The following CSMD1 variants were observed in gnomAD, a reference collection of about 807,000 sequenced individuals.
The protein encoded by CSMD1 is CUB and Sushi multiple domains 1, also known as CUB and sushi domain-containing protein 1.
Under a neutral mutation model 417.5 loss-of-function variants are expected in CSMD1, and 213 were observed. The ratio of observed to expected loss-of-function variants is 0.51; its 90% confidence interval spans 0.46 to 0.57. The LOEUF (loss-of-function observed/expected upper bound fraction) is 0.57. Among genes scored for constraint, CSMD1 ranks in the 20% least tolerant of loss-of-function variants. CSMD1 has a pLI of 0.00. For synonymous variants in CSMD1, 2,862 were observed against 1,736.8 expected (o/e 1.65, Z -16.11); for missense variants, 6,923 against 4,529.7 (o/e 1.53, Z -15.17).
At chr8:3,992,109 G>C (rs557789362) in intron 5 of CSMD1, among the ~76,000 whole-genome samples, 120 of 146,752 alleles carry the variant, frequency 8.2e-4, no homozygotes, top group African/African-American at 2.6e-3. Flanking sequence ...AAGAAAAGGA[G>C]AAATGTGTAT....
chr8:3,752,849 C>T (rs373973858), intron 6 of CSMD1, among the ~76,000 whole-genome samples: 1 of 152,168 alleles, frequency 6.6e-6, no homozygotes, highest in African/African-American at 2.4e-5. Flanking sequence ...TTCCCCGCAA[C>T]TGACCCTTGT....
chr8:3,796,617 T>C (rs925288604), intron 5 of CSMD1, among the ~76,000 whole-genome samples: 5 of 148,286 alleles, frequency 3.4e-5, no homozygotes, highest in Non-Finnish European at 6.0e-5. Context: ...TATAGATGTA[T>C]AGATATATAT....
At chr8:3,638,366 G>C (rs1247861731) in intron 7 of CSMD1, among the ~76,000 whole-genome samples, 1 of 152,036 alleles carries the variant, frequency 6.6e-6, no homozygotes, top group African/African-American at 2.4e-5. Context: ...GTCCCAAGAG[G>C]CTGTAGCCAG....
intron 5 of CSMD1, among the ~76,000 whole-genome samples, chr8:3,873,101 G>A (rs1325512209): frequency 6.6e-6 from 1 of 152,062 alleles, no homozygotes; most frequent in South Asian, 2.1e-4. Flanking sequence ...ATACACTCTT[G>A]GTGGGAGTGT....
chr8:4,782,679 T>G (rs1409914551), intron 1 of CSMD1, among the ~76,000 whole-genome samples: 1 of 152,216 alleles, frequency 6.6e-6, no homozygotes, highest in African/African-American at 2.4e-5. Flanking sequence ...TGACTCATAC[T>G]TCTGCAGATG....
chr8:3,827,349 C>A (rs972477303), intron 5 of CSMD1, among the ~76,000 whole-genome samples: 2 of 152,150 alleles, frequency 1.3e-5, no homozygotes, highest in Non-Finnish European at 2.9e-5. Flanking sequence ...TAACTATAGA[C>A]AACAATTTAA....
intron 49 of CSMD1, among the ~76,000 whole-genome samples, chr8:3,074,851 T>C (rs1293128174): frequency 1.3e-5 from 2 of 152,198 alleles, no homozygotes; most frequent in African/African-American, 2.4e-5. Flanking sequence ...ATTATAGATA[T>C]AATAGATATG....
chr8:4,811,639 G>C (rs747857699), intron 1 of CSMD1, among the ~76,000 whole-genome samples: 2 of 152,014 alleles, frequency 1.3e-5, no homozygotes, highest in Non-Finnish European at 2.9e-5. Flanking sequence ...TGATGGGGCT[G>C]TCATAACTGG....
Position 3,163,787 on chromosome 8 carries a change from G to C in CSMD1, c.5726-1510C>G, listed in dbSNP as rs189172893. ...TCAAGGGAAACCCTGGGTCATCCCT[G>C]CATGGCTGTCACTGTGCCAGACGCA... On this transcript the variant is annotated intron_variant, in intron 37 of 69. Transcript: ENST00000635120. 2.8e-3 allele frequency among the ~76,000 whole-genome samples: 423 copies of C among 152,234 alleles called. 1 individual carries two copies. Among genetic ancestry groups the C allele is most frequent in the African/African-American group, 9.7e-3 (404 of 41,532 alleles).
chr8:4,081,245 T>C (rs1049456571), intron 3 of CSMD1, among the ~76,000 whole-genome samples: 4 of 152,190 alleles, frequency 2.6e-5, no homozygotes, highest in Admixed American at 6.5e-5. Flanking sequence ...CAGACAAGCA[T>C]TGTGGTAGCT....
At chr8:3,510,589 T>A (rs993019823) in intron 10 of CSMD1, among the ~76,000 whole-genome samples, 3 of 151,824 alleles carry the variant, frequency 2.0e-5, no homozygotes, top group African/African-American at 7.3e-5. Context: ...CACAAAATAA[T>A]GCCTCAAAAA....
At chr8:3,856,593 T>C (rs1173879093) in intron 5 of CSMD1, among the ~76,000 whole-genome samples, 1 of 152,186 alleles carries the variant, frequency 6.6e-6, no homozygotes, top group African/African-American at 2.4e-5. Flanking sequence ...TATTCTAATT[T>C]GCCATATTTT....
intron 10 of CSMD1, among the ~76,000 whole-genome samples, chr8:3,567,500 AG>A (rs1365801144): frequency 1.4e-4 from 19 of 136,464 alleles, no homozygotes; most frequent in African/African-American, 4.3e-4. Flanking sequence ...GAAGAAAGGA[AG>A]GAAGGGAGGG....
At chr8:3,596,983 CTCTGTT>C (rs1563184967) in intron 8 of CSMD1, among the ~76,000 whole-genome samples, 1 of 152,178 alleles carries the variant, frequency 6.6e-6, no homozygotes, top group Admixed American at 6.5e-5. Flanking sequence ...CAATGGCTCA[CTCTGTT>C]TCTGTGGCCA....
At chr8:4,089,327 A>G (rs1467801637) in intron 3 of CSMD1, among the ~76,000 whole-genome samples, 1 of 152,192 alleles carries the variant, frequency 6.6e-6, no homozygotes, top group Non-Finnish European at 1.5e-5. Context: ...AGGAAAGAAG[A>G]GAGCTCGGTA....
intron 2 of CSMD1, among the ~76,000 whole-genome samples, chr8:4,443,616 C>T (rs1046509831): frequency 2.6e-5 from 4 of 152,156 alleles, no homozygotes; most frequent in Non-Finnish European, 4.4e-5. Context: ...ACTTCGCATT[C>T]AAAGAATGTA....
intron 12 of CSMD1, among the ~76,000 whole-genome samples, chr8:3,428,791 A>G (rs543468381): frequency 6.6e-6 from 1 of 152,314 alleles, no homozygotes; most frequent in African/African-American, 2.4e-5. Context: ...TAGCCAAGAT[A>G]CGGAAAGAAC....
rs1455327075 is a variant in CSMD1 at position 4,133,680 on chromosome 8, A to C, written c.416-101581T>G. 2.0e-5 allele frequency among the ~76,000 whole-genome samples: 3 copies of C among 148,338 alleles called. No individual in the cohort carries two copies. In the Admixed American group the frequency reaches 2.1e-4, roughly 10 times the overall value. On this transcript the variant is annotated intron_variant, in intron 3 of 69. Coordinates refer to ENST00000635120, the MANE Select transcript of CSMD1 (RefSeq NM_033225.6). ...ATGTAAGTGTAGGGAAAATATGTAC[A>C]AACATTTTTACACCATAATACATAA... is the stretch of plus-strand genomic sequence containing the variant.
intron 3 of CSMD1, among the ~76,000 whole-genome samples, chr8:4,177,177 G>C (rs1174986860): frequency 6.6e-6 from 1 of 152,070 alleles, no homozygotes; most frequent in Non-Finnish European, 1.5e-5. Flanking sequence ...CACATAGCTG[G>C]AAGTAAAGCT....
Sources: gnomAD v4.1 joint callset for allele counts (sites outside exome capture counted in the v4.1 genomes callset) on GRCh38, gnomAD v4.1.1 for gene constraint, MANE v1.5 for transcripts, NCBI Gene and HGNC (gene_info 2026-07-23, HGNC 2026-07-21) for gene names.